Variants in ARHGAP23 observed in about 807,000 individuals in gnomAD.
ARHGAP23 encodes Rho GTPase activating protein 23, also known as rho GTPase-activating protein 23.
Under a neutral mutation model 136.3 loss-of-function variants are expected in ARHGAP23, and 34 were observed. That is an observed-to-expected ratio of 0.25 (90% CI 0.19 to 0.33). ARHGAP23 has a LOEUF of 0.33. Among genes scored for constraint, ARHGAP23 ranks in the 10% least tolerant of loss-of-function variants. The probability of loss-of-function intolerance (pLI) is 1.00; values close to 1 mark genes in which losing one functional copy is unlikely to be tolerated. For synonymous variants in ARHGAP23, 832 were observed against 920.5 expected (o/e 0.90, Z 1.74); for missense variants, 1,808 against 2,139.0 (o/e 0.85, Z 3.05).
chr17:38,501,609 C>G (rs1283639625), intron 23 of ARHGAP23, among the ~76,000 whole-genome samples: 1 of 151,908 alleles, frequency 6.6e-6, no homozygotes, highest in Admixed American at 6.6e-5. Context: ...CTATAGACCC[C>G]TAAGTAATTG....
chr17:38,424,441 C>T (rs2038550475), upstream of ARHGAP23, among the ~76,000 whole-genome samples: 1 of 152,162 alleles, frequency 6.6e-6, no homozygotes, highest in Non-Finnish European at 1.5e-5. Context: ...AGTCTGACCC[C>T]CACACCCACT....
rs576772662 is a variant in ARHGAP23, at chr17:38,474,006, C to T, written c.2118+2000C>T. Among the ~76,000 whole-genome samples the T allele has an allele frequency of 5.3e-5, 8 of 152,206 alleles. No individual in the cohort carries two copies. The East Asian group carries it at 7.7e-4, about 15-fold the overall frequency. Reference sequence around the variant, plus strand: ...TACGATCTCAGCTCACTGCAACCTCCGCCCCCCAGGTTCAAGCAATTCTTG... The same window carrying T: ...TACGATCTCAGCTCACTGCAACCTCTGCCCCCCAGGTTCAAGCAATTCTTG... On this transcript the variant is annotated intron_variant, in intron 11 of 23. Coordinates refer to ENST00000622683, the MANE Select transcript of ARHGAP23 (RefSeq NM_001199417.2).
At chr17:38,438,525 G>A (rs765165405) in intron 1 of ARHGAP23, among the ~76,000 whole-genome samples, 12 of 152,036 alleles carry the variant, frequency 7.9e-5, no homozygotes, top group Middle Eastern at 3.2e-3. Context: ...ACCAGATCCC[G>A]CCCCTTCCCT....
intron 16 of ARHGAP23, 72 bp from the exon 17 acceptor site, chr17:38,485,990 G>T: frequency 7.0e-7 from 1 of 1,420,376 alleles, no homozygotes; most frequent in Non-Finnish European, 9.7e-7. Context: ...ATTGGGCTCT[G>T]GGGTGAATGA....
At position 38,477,800 on chromosome 17, in the gene ARHGAP23, C is replaced by T. The variant is rs768522937; in HGVS notation, c.2340C>T (p.Thr780=). 2.9e-5 allele frequency: 45 copies of T among 1,550,046 alleles called. No individual in the cohort carries two copies. In the South Asian group the frequency reaches 4.2e-4, roughly 14 times the overall value. Residue 780 remains threonine, a synonymous_variant, in exon 12 of 24, where the codon ACC becomes ACT. Transcript: ENST00000622683. The surrounding 1 kb of genome is among the most constrained non-coding windows in gnomAD (Gnocchi z 6.6). ...GGAGGCACGTGTTCCGGCTGACCAC[C>T]GCTGACTTCTGTGAATATCTCTTTC... ...TKRRHVFRLT[T]ADFCEYLFQA...
In ARHGAP23 at chr17:38,502,260, C is replaced by T. The variant is rs71384237; in HGVS notation, c.3447+1632C>T. ...AGAGGAGGTTGCAGTGAGCCGAGGTCGTGCCACTGCACTCCAGTCTGGGCG... is the reference window on the plus strand; with the variant it reads ...AGAGGAGGTTGCAGTGAGCCGAGGTTGTGCCACTGCACTCCAGTCTGGGCG... On this transcript the variant is annotated intron_variant, in intron 23 of 23. Transcript: ENST00000622683. Among the ~76,000 whole-genome samples, 323 of 152,234 alleles carry T rather than the reference C, an allele frequency of 2.1e-3. 1 individual carries two copies. The highest frequency in any genetic ancestry group is 3.8e-3 in the Admixed American group (58 of 15,282).
At position 38,511,191 on chromosome 17, in the gene ARHGAP23, G is replaced by A. The variant is rs2040758280; in HGVS notation, c.*219G>A. On this transcript the variant is annotated 3_prime_UTR_variant, in exon 24 of 24. Transcript: ENST00000622683. ...AATGGAAGGGGGTTCCAGAGGTGAT[G>A]AGCAGAAGAGGAGGGGGCGTGGGCT... 1.9e-6 allele frequency: 1 copy of A among 523,934 alleles called. No individual in the cohort carries two copies. 32.5% of individuals were successfully genotyped at this position (523,934 alleles called of 1,614,324 possible).
chr17:38,454,192 G>T, intron 1 of ARHGAP23: 2 of 153,068 alleles, frequency 1.3e-5, no homozygotes, highest in South Asian at 3.6e-4. Context: ...GTCGGGGTCT[G>T]AGTGGGACTG....
intron 1 of ARHGAP23, among the ~76,000 whole-genome samples, chr17:38,455,113 C>T (rs2039292417): frequency 6.6e-6 from 1 of 152,202 alleles, no homozygotes; most frequent in Non-Finnish European, 1.5e-5. Flanking sequence ...GGTTTTTGCA[C>T]CTATCACTTC....
intron 23 of ARHGAP23, among the ~76,000 whole-genome samples, chr17:38,503,637 C>T (rs1456185026): frequency 6.6e-6 from 1 of 152,212 alleles, no homozygotes; most frequent in Non-Finnish European, 1.5e-5. Flanking sequence ...GCTCACAGGC[C>T]ACTGCCTCCC....
In ARHGAP23 at chr17:38,477,180, G is replaced by A. The variant is rs2039913003; in HGVS notation, c.2119-399G>A. On this transcript the variant is annotated intron_variant, in intron 11 of 23. Coordinates refer to ENST00000622683, the MANE Select transcript of ARHGAP23 (RefSeq NM_001199417.2). This position sits in a 1 kb window ranked among gnomAD's most constrained non-coding sequence, Gnocchi z 6.6. Reference sequence around the variant, plus strand: ...AGAACAACCCTCTAAGAGTGCGGACGGCTTCTGAGCAGGTTTGCTGGGATG... The same window carrying A: ...AGAACAACCCTCTAAGAGTGCGGACAGCTTCTGAGCAGGTTTGCTGGGATG... Among the ~76,000 whole-genome samples the A allele has an allele frequency of 6.6e-6, 1 of 152,082 alleles. No individual in the cohort carries two copies. Among genetic ancestry groups the A allele is most frequent in the South Asian group, 2.1e-4 (1 of 4,824 alleles).
chr17:38,490,594 GACTT>G lies in ARHGAP23; in HGVS notation c.3150+47_3150+50del, dbSNP rs1445862932. ...ATGGAGTCTGGGGGAGGCAAGCACGGACTTACTGTGTGAGGGCCCTCAGCACGCA... is the reference window on the plus strand; with the variant it reads ...ATGGAGTCTGGGGGAGGCAAGCACGGACTGTGTGAGGGCCCTCAGCACGCA... On this transcript the variant is annotated intron_variant, in intron 19 of 23. Transcript: ENST00000622683. 1.5e-5 allele frequency: 21 copies of G among 1,439,624 alleles called. No individual in the cohort carries two copies. The African/African-American group carries it at 2.7e-4, about 18-fold the overall frequency. The allele number at this position is 1,439,624 out of a possible 1,614,324, so 89.2% of individuals were successfully genotyped here.
chr17:38,427,898 A>G (rs1358699279), upstream of ARHGAP23, among the ~76,000 whole-genome samples: 1 of 152,066 alleles, frequency 6.6e-6, no homozygotes, highest in African/African-American at 2.4e-5. Flanking sequence ...AGGGGTCTCT[A>G]AAGGGAAGGG....
chr17:38,464,228 C>T (rs72823855), intron 6 of ARHGAP23, among the ~76,000 whole-genome samples: 7,687 of 152,258 alleles, frequency 0.05, 262 homozygotes, highest in Middle Eastern at 0.16. Flanking sequence ...TCCAGCCTGC[C>T]ACACAGAGAG....
intron 23 of ARHGAP23, among the ~76,000 whole-genome samples, chr17:38,509,079 G>A (rs907720382): frequency 7.9e-5 from 12 of 151,448 alleles, no homozygotes; most frequent in African/African-American, 2.7e-4. Context: ...AACCTCCCAA[G>A]AGGCAGAGGA....
At chr17:38,482,995 T>TTC in intron 16 of ARHGAP23, among the ~76,000 whole-genome samples, 1 of 152,148 alleles carries the variant, frequency 6.6e-6, no homozygotes, top group East Asian at 1.9e-4. Flanking sequence ...GAAAGCCAGG[T>TTC]GAGGGCATTC....
intron 23 of ARHGAP23, among the ~76,000 whole-genome samples, chr17:38,505,508 C>A (rs1475727337): frequency 6.6e-6 from 1 of 152,160 alleles, no homozygotes; most frequent in Non-Finnish European, 1.5e-5. Flanking sequence ...ATTCCTTGAC[C>A]CCAACCCTTG....
At chr17:38,444,452 T>C (rs2038987427) in intron 1 of ARHGAP23, among the ~76,000 whole-genome samples, 1 of 152,126 alleles carries the variant, frequency 6.6e-6, no homozygotes, top group East Asian at 1.9e-4. Flanking sequence ...GGAATGGGCA[T>C]GTGTGTGCTT....
At chr17:38,498,269 C>T (rs1001619025) in intron 21 of ARHGAP23, 145 bp from the exon 22 acceptor site, 48 of 616,652 alleles carry the variant, frequency 7.8e-5, no homozygotes, top group Non-Finnish European at 1.2e-4. Context: ...TCAAGAGCGC[C>T]CGGCTGATGA....
Sources: allele counts gnomAD v4.1 joint callset (sites outside exome capture counted in the v4.1 genomes callset), GRCh38; gene constraint gnomAD v4.1.1; non-coding constraint Gnocchi (gnomAD v3.1); transcripts MANE v1.5; gene names NCBI Gene and HGNC (gene_info 2026-07-23, HGNC 2026-07-21).